The following APP variants were observed in gnomAD, a reference collection of about 807,000 sequenced individuals.
APP encodes the protein amyloid beta precursor protein.
APP carries 31 observed loss-of-function variants against 101.4 expected under a neutral mutation model. The observed-to-expected ratio is 0.31, with a 90% CI of 0.23 to 0.41. APP has a LOEUF of 0.41. APP is among the 10% of genes least tolerant of loss of function. The pLI is 1.00. For synonymous variants in APP, 366 were observed against 364.4 expected, an observed-to-expected ratio of 1.00 and a Z score of -0.05; for missense variants, 839 against 1,003.7, an observed-to-expected ratio of 0.84 and a Z score of 2.22.
At chr21:25,887,467 C>T (rs1264230275) in intron 17 of APP, among the ~76,000 whole-genome samples, 4 of 145,164 alleles carry the variant, frequency 2.8e-5, no homozygotes, top group African/African-American at 7.7e-5. Flanking sequence ...GAGTGACTCT[C>T]TGGCCTTATG....
At chr21:25,994,887 TTA>T (rs758081445) in intron 8 of APP, among the ~76,000 whole-genome samples, 1 of 152,050 alleles carries the variant, frequency 6.6e-6, no homozygotes, top group Non-Finnish European at 1.5e-5. Context: ...TAACTAGAAA[TTA>T]TATGTTTTTT....
chr21:26,043,043 T>C (rs1254701396), intron 5 of APP, among the ~76,000 whole-genome samples: 4 of 152,128 alleles, frequency 2.6e-5, no homozygotes, highest in Non-Finnish European at 5.9e-5. Flanking sequence ...CAGTTTGTTT[T>C]TGAGTTGGAA....
Position 25,881,682 on chromosome 21 carries a change from C to T in APP, c.2301G>A (p.Gln767=), listed in dbSNP as rs1470457814. The change falls in exon 18 of 18, where the codon CAG becomes CAA. Residue 767 remains glutamine, a synonymous_variant. Transcript: ENST00000346798. The part of the protein sequence containing the change: ...YENPTYKFFE[Q]MQN The stretch of plus-strand genomic sequence containing the variant: ...CTGTGGCGGGGGTCTAGTTCTGCAT[C>T]TGCTCAAAGAACTTGTAGGTTGGAT... 1.2e-6 allele frequency: 2 copies of T among 1,613,954 alleles called. No individual in the cohort carries two copies. The highest frequency in any genetic ancestry group is 1.7e-5 in the Admixed American group (1 of 60,026).
At chr21:26,098,650 A>C (rs1410513970) in intron 2 of APP, among the ~76,000 whole-genome samples, 1 of 152,260 alleles carries the variant, frequency 6.6e-6, no homozygotes, top group Non-Finnish European at 1.5e-5. Context: ...CAAAAGGCTG[A>C]AAACAAAGTT....
At chr21:25,896,210 A>G (rs1212307766) in intron 16 of APP, among the ~76,000 whole-genome samples, 1 of 152,206 alleles carries the variant, frequency 6.6e-6, no homozygotes, top group Non-Finnish European at 1.5e-5. Context: ...CATGCTTCAA[A>G]AAGCTAAATG....
intron 1 of APP, among the ~76,000 whole-genome samples, chr21:26,141,588 A>G (rs2063046604): frequency 6.6e-6 from 1 of 152,220 alleles, no homozygotes. Flanking sequence ...ACATGAACAG[A>G]GCCTCTGAAA....
At chr21:26,139,871 T>C (rs1306222268) in intron 1 of APP, among the ~76,000 whole-genome samples, 1 of 139,610 alleles carries the variant, frequency 7.2e-6, no homozygotes, top group East Asian at 2.1e-4. Context: ...AGAGCGAGAC[T>C]CCGTCTCAAA....
chr21:26,074,984 G>A (rs898511651), intron 3 of APP, among the ~76,000 whole-genome samples: 6 of 152,092 alleles, frequency 3.9e-5, no homozygotes, highest in African/African-American at 1.4e-4. Context: ...CTTCTTGGTT[G>A]TTACATAAAA....
chr21:25,997,247 A>G (rs1274045633), intron 8 of APP, 113 bp downstream of exon 8: 1 of 1,019,646 alleles, frequency 9.8e-7, no homozygotes, highest in Admixed American at 1.8e-5. Context: ...TTTTACTAAG[A>G]CAGGTGTTCA....
intron 11 of APP, among the ~76,000 whole-genome samples, chr21:25,963,547 G>A (rs1422468931): frequency 6.6e-6 from 1 of 152,168 alleles, no homozygotes; most frequent in Non-Finnish European, 1.5e-5. Flanking sequence ...GCATTAAATT[G>A]CACCCTGGTG....
chr21:26,132,825 G>C (rs959463857), intron 1 of APP, among the ~76,000 whole-genome samples: 2 of 152,112 alleles, frequency 1.3e-5, no homozygotes, highest in African/African-American at 4.8e-5. Context: ...TTCAGAATCG[G>C]GTTGACATGG....
At chr21:26,129,682 G>A (rs1220308248) in intron 1 of APP, among the ~76,000 whole-genome samples, 1 of 152,116 alleles carries the variant, frequency 6.6e-6, no homozygotes, top group African/African-American at 2.4e-5. Context: ...GACAATAAGT[G>A]AATAAGAACT....
intron 2 of APP, among the ~76,000 whole-genome samples, chr21:26,099,296 T>G (rs2062010575): frequency 6.6e-6 from 1 of 152,210 alleles, no homozygotes; most frequent in African/African-American, 2.4e-5. Context: ...TCTTGTATAT[T>G]TTCATCGTCT....
At chr21:26,033,918 G>C (rs2044965401) in intron 5 of APP, among the ~76,000 whole-genome samples, 1 of 152,168 alleles carries the variant, frequency 6.6e-6, no homozygotes, top group Non-Finnish European at 1.5e-5. Context: ...AAGAAATGGA[G>C]CTAATGGGTT....
chr21:25,941,025 T>C (rs1215669261), intron 13 of APP, among the ~76,000 whole-genome samples: 1 of 152,214 alleles, frequency 6.6e-6, no homozygotes, highest in South Asian at 2.1e-4. Flanking sequence ...TTGCAATACA[T>C]ACTTTATACC....
intron 13 of APP, among the ~76,000 whole-genome samples, chr21:25,923,645 G>A (rs1473036422): frequency 7.1e-6 from 1 of 141,164 alleles, no homozygotes; most frequent in African/African-American, 2.7e-5. Context: ...CACCATCACT[G>A]GCCATCAGAG....
At chr21:25,955,591 T>A in intron 12 of APP, 36 bp downstream of exon 12, 1 of 1,613,692 alleles carries the variant, frequency 6.2e-7, no homozygotes, top group Non-Finnish European at 8.5e-7. Context: ...TCCTGGATTG[T>A]CAAAGCTGCA....
intron 3 of APP, among the ~76,000 whole-genome samples, chr21:26,077,257 A>G (rs569389595): frequency 6.6e-6 from 1 of 151,380 alleles, no homozygotes; most frequent in East Asian, 1.9e-4. Flanking sequence ...TACTCCCTAA[A>G]CTCTGTGCTT....
chr21:26,105,530 A>G (rs896758402), intron 2 of APP, among the ~76,000 whole-genome samples: 2 of 152,216 alleles, frequency 1.3e-5, no homozygotes, highest in Non-Finnish European at 2.9e-5. Flanking sequence ...GAAGTTAAAA[A>G]AAAAAGGCAA....
Sources: gnomAD v4.1 joint callset for allele counts (sites outside exome capture counted in the v4.1 genomes callset) on GRCh38, gnomAD v4.1.1 for gene constraint, MANE v1.5 for transcripts, NCBI Gene and HGNC (gene_info 2026-07-23, HGNC 2026-07-21) for gene names.